REV3L: variants seen among roughly 807,000 people sequenced by gnomAD.
The protein encoded by REV3L is DNA polymerase zeta catalytic subunit.
In REV3L, 69 loss-of-function variants were observed where a neutral mutation model predicts 299.4. That is an observed-to-expected ratio of 0.23 (90% CI 0.19 to 0.28). The LOEUF (loss-of-function observed/expected upper bound fraction) is 0.28. Ranked by LOEUF, REV3L falls within the 10% of genes least tolerant of loss-of-function variation. The probability of loss-of-function intolerance (pLI) is 1.00; values close to 1 mark genes in which losing one functional copy is unlikely to be tolerated. For missense variants in REV3L, 3,128 were observed against 3,693.8 expected, an observed-to-expected ratio of 0.85 and a Z score of 3.97; for synonymous variants, 1,238 against 1,271.4, an observed-to-expected ratio of 0.97 and a Z score of 0.56.
At chr6:111,339,055 AAG>A (rs200522142) in intron 21 of REV3L, among the ~76,000 whole-genome samples, 2,080 of 152,216 alleles carry the variant, frequency 0.014, 22 homozygotes, top group Middle Eastern at 0.027. Flanking sequence ...AAACTGTTGT[AAG>A]GTGTTAGGCA....
intron 25 of REV3L, 113 bp downstream of exon 25, chr6:111,329,419 A>T: frequency 1.1e-6 from 1 of 894,854 alleles, no homozygotes; most frequent in Non-Finnish European, 1.8e-6. Context: ...TCTGGGCTGA[A>T]GACCCCCGCA....
intron 20 of REV3L, among the ~76,000 whole-genome samples, chr6:111,348,388 G>A (rs1777237846): frequency 6.6e-6 from 1 of 152,046 alleles, no homozygotes; most frequent in African/African-American, 2.4e-5. Flanking sequence ...ATAGTTCATT[G>A]AAATTACTCT....
intron 3 of REV3L, among the ~76,000 whole-genome samples, chr6:111,411,076 T>C (rs1003074612): frequency 6.6e-6 from 1 of 152,132 alleles, no homozygotes; most frequent in Non-Finnish European, 1.5e-5. Context: ...CAACATCTAG[T>C]AAACAGTCAA....
intron 1 of REV3L, chr6:111,431,416 T>C (rs1786912151): frequency 5.0e-6 from 5 of 999,644 alleles, no homozygotes; most frequent in Non-Finnish European, 8.0e-6. Flanking sequence ...GGCGTTCCGG[T>C]TAAAGTTTTT....
intron 22 of REV3L, 42 bp downstream of exon 22, chr6:111,335,427 T>C: frequency 6.3e-7 from 1 of 1,587,540 alleles, no homozygotes; most frequent in Non-Finnish European, 8.6e-7. Context: ...AGTGTATCAC[T>C]CATACAGAAC....
intron 3 of REV3L, among the ~76,000 whole-genome samples, chr6:111,406,740 G>A (rs946372286): frequency 6.6e-6 from 1 of 152,016 alleles, no homozygotes; most frequent in African/African-American, 2.4e-5. Flanking sequence ...TTTTGGAAGG[G>A]GAATAAGGAT....
intron 1 of REV3L, among the ~76,000 whole-genome samples, chr6:111,454,781 C>T (rs1161453422): frequency 6.6e-6 from 1 of 152,174 alleles, no homozygotes; most frequent in Non-Finnish European, 1.5e-5. Context: ...ATTCTCCTGC[C>T]TCAGCCTCCC....
chr6:111,373,217 T>C lies in REV3L; in HGVS notation c.5138A>G (p.Asp1713Gly). 16 of 1,614,094 alleles carry C rather than the reference T, an allele frequency of 9.9e-6. No homozygotes were observed. Among genetic ancestry groups the C allele is most frequent in the Non-Finnish European group, 1.4e-5 (16 of 1,179,996 alleles). ...ACCAGATCTAATCCATGAGGCTGAGTCTGTGGTATGATGCTTGTCTTCATC... is the reference window on the plus strand; with the variant it reads ...ACCAGATCTAATCCATGAGGCTGAGCCTGTGGTATGATGCTTGTCTTCATC... Reference protein sequence around the residue: ...KCDEDKHHTTDSASWIRSGTL... With the variant: ...KCDEDKHHTTGSASWIRSGTL... The change falls in exon 13 of 32, where the codon GAC becomes GGC. Residue 1713 changes from aspartate (D) to glycine (G), a missense_variant. By Grantham distance (94) the Asp-to-Gly change is moderately conservative. This residue lies in a region of REV3L where 2,409 missense variants were observed against 2,611.8 expected (regional missense o/e 0.92). Transcript: ENST00000368802.
intron 17 of REV3L, among the ~76,000 whole-genome samples, chr6:111,358,211 G>A (rs889156627): frequency 6.6e-6 from 1 of 152,092 alleles, no homozygotes; most frequent in African/African-American, 2.4e-5. Context: ...AGAGATATAA[G>A]CAAAGTAAGA....
At chr6:111,360,477 T>TTTTC (rs1305905093) in intron 16 of REV3L, among the ~76,000 whole-genome samples, 2 of 144,636 alleles carry the variant, frequency 1.4e-5, no homozygotes, top group African/African-American at 5.5e-5. Context: ...AATCTTTTTT[T>TTTTC]TTTTTTTTTT....
chr6:111,398,886 C>G (rs1475745883), intron 4 of REV3L, among the ~76,000 whole-genome samples: 2 of 151,946 alleles, frequency 1.3e-5, no homozygotes, highest in Non-Finnish European at 2.9e-5. Context: ...CTGCAATTTC[C>G]CTGTTTTTAA....
intron 1 of REV3L, among the ~76,000 whole-genome samples, chr6:111,465,143 C>T (rs1173003567): frequency 5.9e-5 from 8 of 135,994 alleles, no homozygotes; most frequent in Non-Finnish European, 1.2e-4. Context: ...TGCAATGGTG[C>T]GATCTCAGCT....
chr6:111,351,588 C>A, intron 19 of REV3L, 88 bp downstream of exon 19: 1 of 923,290 alleles, frequency 1.1e-6, no homozygotes, highest in South Asian at 1.8e-5. Flanking sequence ...AATTGGGCTA[C>A]AGCATAAGTA....
intron 25 of REV3L, among the ~76,000 whole-genome samples, chr6:111,328,497 C>T (rs930825328): frequency 2.6e-5 from 4 of 152,134 alleles, no homozygotes; most frequent in East Asian, 1.9e-4. Flanking sequence ...GTAAAAACTG[C>T]TACAAAGGTG....
At chr6:111,304,213 C>T (rs925229957) in intron 31 of REV3L, among the ~76,000 whole-genome samples, 22 of 147,804 alleles carry the variant, frequency 1.5e-4, no homozygotes, top group African/African-American at 5.3e-4. Flanking sequence ...TTCTAATTCT[C>T]ATTACATCTC....
chr6:111,316,370 A>T (rs1366456712), intron 26 of REV3L, among the ~76,000 whole-genome samples: 1 of 152,072 alleles, frequency 6.6e-6, no homozygotes, highest in African/African-American at 2.4e-5. Flanking sequence ...CAACTTAAAA[A>T]AGAAAGACAT....
chr6:111,431,742 TA>T, intron 1 of REV3L: 1 of 827,332 alleles, frequency 1.2e-6, no homozygotes, highest in Non-Finnish European at 2.1e-6. Context: ...CTGAAGAACC[TA>T]AAAAGACGAA....
chr6:111,389,987 G>T, intron 6 of REV3L, 99 bp downstream of exon 6: 1 of 728,292 alleles, frequency 1.4e-6, no homozygotes, highest in Non-Finnish European at 2.4e-6. Context: ...ACCCACCTTG[G>T]CCTCCCAAAG....
intron 18 of REV3L, chr6:111,353,603 A>T (rs1451751253): frequency 6.6e-6 from 1 of 152,236 alleles, no homozygotes; most frequent in Non-Finnish European, 1.5e-5. Context: ...CATATTATTT[A>T]TGTGCTTTTC....
Sources: gnomAD v4.1 joint callset for allele counts (sites outside exome capture counted in the v4.1 genomes callset) on GRCh38, gnomAD v4.1.1 for gene constraint, gnomAD v4.1.1 regional missense constraint, MANE v1.5 for transcripts, NCBI Gene and HGNC (gene_info 2026-07-23, HGNC 2026-07-21) for gene names.